The following ERBB4 variants were observed in gnomAD, a reference collection of about 807,000 sequenced individuals.
The protein encoded by ERBB4 is erb-b2 receptor tyrosine kinase 4.
In ERBB4, 42 loss-of-function variants were observed where a neutral mutation model predicts 158.0. The ratio of observed to expected loss-of-function variants is 0.27; its 90% confidence interval spans 0.21 to 0.34. ERBB4 has a LOEUF of 0.34. Ranked by LOEUF, ERBB4 falls within the 10% of genes least tolerant of loss-of-function variation. The probability of loss-of-function intolerance (pLI) is 1.00; values close to 1 mark genes in which losing one functional copy is unlikely to be tolerated. For missense variants in ERBB4, 1,333 were observed against 1,624.1 expected (o/e 0.82, Z 3.08); for synonymous variants, 583 against 558.7 (o/e 1.04, Z -0.61).
chr2:212,020,979 A>C (rs1320981167), intron 2 of ERBB4, among the ~76,000 whole-genome samples: 1 of 152,164 alleles, frequency 6.6e-6, no homozygotes, highest in Non-Finnish European at 1.5e-5. Flanking sequence ...AGGTAATCAT[A>C]ATGTATTTAT....
At chr2:212,184,408 G>T (rs999175217) in intron 1 of ERBB4, among the ~76,000 whole-genome samples, 1 of 151,886 alleles carries the variant, frequency 6.6e-6, no homozygotes, top group Non-Finnish European at 1.5e-5. Context: ...TATATATAAG[G>T]CTCTGAATTG....
intron 19 of ERBB4, among the ~76,000 whole-genome samples, chr2:211,584,952 A>T: frequency 6.6e-6 from 1 of 152,214 alleles, no homozygotes; most frequent in Middle Eastern, 3.4e-3. Context: ...TGAAAAAAAA[A>T]TTACCACTAT....
intron 25 of ERBB4, among the ~76,000 whole-genome samples, chr2:211,395,927 A>G (rs1327967047): frequency 1.3e-5 from 2 of 151,994 alleles, no homozygotes; most frequent in African/African-American, 4.8e-5. Context: ...ATTTATCTCC[A>G]GATCTGTCTA....
At chr2:212,057,572 C>A (rs1225581969) in intron 2 of ERBB4, among the ~76,000 whole-genome samples, 3 of 152,176 alleles carry the variant, frequency 2.0e-5, no homozygotes, top group Non-Finnish European at 2.9e-5. Flanking sequence ...GAAATTATAA[C>A]AAACTGTCTC....
chr2:212,058,208 T>A (rs1461316928), intron 2 of ERBB4, among the ~76,000 whole-genome samples: 1 of 152,226 alleles, frequency 6.6e-6, no homozygotes, highest in Non-Finnish European at 1.5e-5. Flanking sequence ...GATAAATTCC[T>A]GGACACATAC....
chr2:212,346,743 T>C (rs1057195690), intron 1 of ERBB4, among the ~76,000 whole-genome samples: 3 of 152,212 alleles, frequency 2.0e-5, no homozygotes, highest in Non-Finnish European at 4.4e-5. Context: ...TCACACAATA[T>C]GTGTTGAAAC....
rs79138859 is a variant in ERBB4, at chr2:211,834,854, T to C, written c.422-46695A>G. Among the ~76,000 whole-genome samples the C allele has an allele frequency of 1.4e-4, 21 of 152,250 alleles. No homozygotes were observed. The East Asian group carries it at 4.1e-3, about 29-fold the overall frequency. ...TACCACTTGGGTAATCTGTGAAAGA[T>C]GCTGGCCTGTAAGGAGAATCTAAAG... is the stretch of plus-strand genomic sequence containing the variant. On this transcript the variant is annotated intron_variant, in intron 3 of 27. Transcript: ENST00000342788.
chr2:212,346,912 T>C (rs750840303), intron 1 of ERBB4, among the ~76,000 whole-genome samples: 1 of 152,124 alleles, frequency 6.6e-6, no homozygotes, highest in Non-Finnish European at 1.5e-5. Context: ...TTAAAATAAA[T>C]ATTTTTCTAG....
intron 2 of ERBB4, among the ~76,000 whole-genome samples, chr2:212,083,084 G>GGA (rs1180557279): frequency 6.6e-6 from 1 of 151,886 alleles, no homozygotes; most frequent in Non-Finnish European, 1.5e-5. Context: ...TTAGGTACAC[G>GGA]GAGAAAAGAT....
chr2:212,409,042 C>A (rs951726478), intron 1 of ERBB4, among the ~76,000 whole-genome samples: 3 of 152,156 alleles, frequency 2.0e-5, no homozygotes, highest in Admixed American at 6.6e-5. Flanking sequence ...TTTACTAAAT[C>A]ATTTATTCAA....
At position 212,210,289 on chromosome 2, in the gene ERBB4, T is replaced by C. The variant is rs574400715; in HGVS notation, c.83-85386A>G. Among the ~76,000 whole-genome samples, 108 of 151,034 alleles carry C rather than the reference T, an allele frequency of 7.2e-4. 1 individual carries two copies. Among genetic ancestry groups the C allele is most frequent in the South Asian group, 2.1e-3 (10 of 4,802 alleles). On this transcript the variant is annotated intron_variant, in intron 1 of 27. Coordinates refer to ENST00000342788, the MANE Select transcript of ERBB4 (RefSeq NM_005235.3). ...CAATTTCCCATATGATCTGATATTA[T>C]GTTAATTTAGAAATAATAAAGGAGC...
At chr2:211,638,622 T>G (rs1457063074) in intron 16 of ERBB4, among the ~76,000 whole-genome samples, 1 of 152,168 alleles carries the variant, frequency 6.6e-6, no homozygotes, top group Non-Finnish European at 1.5e-5. Context: ...ACTGTCCCCC[T>G]TCCTAAGCAA....
At position 211,413,312 on chromosome 2, in the gene ERBB4, AC is replaced by A. The variant is rs1553524061; in HGVS notation, c.3135+7128del. Among the ~76,000 whole-genome samples the A allele has an allele frequency of 3.5e-3, 310 of 89,830 alleles. 32 individuals are homozygous for A. The highest frequency in any genetic ancestry group is 0.021 in the Middle Eastern group (4 of 192). 58.9% of individuals were successfully genotyped at this position (89,830 alleles called of 152,430 possible). A position where few individuals can be genotyped will look rare whatever the true frequency, so the allele number is the denominator to read the frequency against. ...CAGAGAGAGACCCTGTCTTAAAAAC[AC>A]ACACACACACACACACACACACACA... On this transcript the variant is annotated intron_variant, in intron 25 of 27. Transcript: ENST00000342788.
In ERBB4 at chr2:211,383,492, A is replaced by G. The variant is rs1403735425; in HGVS notation, c.*123T>C. 5.3e-6 allele frequency: 4 copies of G among 760,528 alleles called. No homozygotes were observed. Among genetic ancestry groups the G allele is most frequent in the South Asian group, 1.5e-5 (1 of 67,012 alleles). The allele number at this position is 760,528 out of a possible 1,614,324, so 47.1% of individuals were successfully genotyped here. On this transcript the variant is annotated 3_prime_UTR_variant, in exon 28 of 28. Coordinates refer to ENST00000342788, the MANE Select transcript of ERBB4 (RefSeq NM_005235.3). ...CACATAACTATCATTGCATCTCTGTATCTTCCACTGGGAAGTGTCAAAACT... is the reference window on the plus strand; with the variant it reads ...CACATAACTATCATTGCATCTCTGTGTCTTCCACTGGGAAGTGTCAAAACT...
At chr2:211,956,029 A>AGTGTGTGTGT (rs3070122) in intron 2 of ERBB4, among the ~76,000 whole-genome samples, 45 of 146,430 alleles carry the variant, frequency 3.1e-4, no homozygotes, top group African/African-American at 1.0e-3. Flanking sequence ...TCATCTCTAA[A>AGTGTGTGTGT]GTGTGTGTGT....
At chr2:211,597,415 T>C (rs933950827) in intron 19 of ERBB4, among the ~76,000 whole-genome samples, 13 of 152,222 alleles carry the variant, frequency 8.5e-5, no homozygotes, top group African/African-American at 3.1e-4. Flanking sequence ...AATGGATTCA[T>C]TTGTACAGAA....
At chr2:212,157,740 G>T (rs2081084567) in intron 1 of ERBB4, among the ~76,000 whole-genome samples, 1 of 152,054 alleles carries the variant, frequency 6.6e-6, no homozygotes, top group African/African-American at 2.4e-5. Context: ...TAGAAACTTT[G>T]TTTAGTGCCT....
At chr2:212,141,768 C>T (rs2080485500) in intron 1 of ERBB4, among the ~76,000 whole-genome samples, 4 of 152,078 alleles carry the variant, frequency 2.6e-5, no homozygotes, top group South Asian at 2.1e-4. Flanking sequence ...TTTCAAGCCA[C>T]GAAAGTCCCT....
chr2:211,421,899 A>G, intron 24 of ERBB4, 108 bp downstream of exon 24: 1 of 753,186 alleles, frequency 1.3e-6, no homozygotes, highest in East Asian at 2.6e-5. Context: ...TGCTTAATTA[A>G]TCAACATGTT....
Sources: allele counts gnomAD v4.1 joint callset (sites outside exome capture counted in the v4.1 genomes callset), GRCh38; gene constraint gnomAD v4.1.1; transcripts MANE v1.5; gene names NCBI Gene and HGNC (gene_info 2026-07-23, HGNC 2026-07-21).